Variants in MDFI observed in about 807,000 individuals in gnomAD.
MDFI encodes inhibitor of MyoD family a.
A neutral mutation model predicts 22.3 loss-of-function variants in MDFI; 16 were observed. The observed-to-expected ratio is 0.72, with a 90% CI of 0.49 to 1.09. The LOEUF is 1.09. MDFI is among the 50% of genes least tolerant of loss of function. The probability of loss-of-function intolerance (pLI) is 0.00; values close to 1 mark genes in which losing one functional copy is unlikely to be tolerated. For missense variants in MDFI, 314 were observed against 326.1 expected (o/e 0.96, Z 0.29); for synonymous variants, 145 against 142.7 (o/e 1.02, Z -0.12).
Position 41,653,122 on chromosome 6 carries a change from G to A in MDFI, c.485-197G>A, listed in dbSNP as rs1768339431. ...GATGATCCAGACTGCCCGCTCCGAT[G>A]TGCTTAACTGTCTGTGCCTCGGGGT... On this transcript the variant is annotated intron_variant, in intron 4 of 4. Transcript: ENST00000230321. This position sits in a 1 kb window ranked among gnomAD's most constrained non-coding sequence, Gnocchi z 4.2. 6.6e-6 allele frequency among the ~76,000 whole-genome samples: 1 copy of A among 152,234 alleles called. No individual in the cohort carries two copies. Among genetic ancestry groups the A allele is most frequent in the African/African-American group, 2.4e-5 (1 of 41,460 alleles).
At chr6:41,648,469 C>T (rs1378967775) in intron 3 of MDFI, among the ~76,000 whole-genome samples, 1 of 152,214 alleles carries the variant, frequency 6.6e-6, no homozygotes, top group African/African-American at 2.4e-5. Context: ...GACCCGGCCT[C>T]TTCAGCCAAG....
In MDFI at chr6:41,638,964, G is replaced by A. The variant is rs777672997; in HGVS notation, c.76+139G>A. On this transcript the variant is annotated intron_variant, in intron 2 of 4. Transcript: ENST00000230321. This position sits in a 1 kb window ranked among gnomAD's most constrained non-coding sequence, Gnocchi z 7.6. ...GGTGGGGGTAGGGACGAAAAGTCTG[G>A]GTTTGAGGACTTGGTCCAAGGAGAG... 38 of 1,029,444 alleles carry A rather than the reference G, an allele frequency of 3.7e-5. No individual in the cohort carries two copies. The highest frequency in any genetic ancestry group is 4.5e-5 in the Non-Finnish European group (33 of 727,728). 63.8% of individuals were successfully genotyped at this position (1,029,444 alleles called of 1,614,324 possible). A position where few individuals can be genotyped will look rare whatever the true frequency, so the allele number is the denominator to read the frequency against.
intron 2 of MDFI, among the ~76,000 whole-genome samples, chr6:41,642,309 C>T (rs9471614): frequency 0.091 from 13,890 of 152,232 alleles, 722 homozygotes; most frequent in South Asian, 0.15. Context: ...ACATGAATTG[C>T]ACATCCACAC....
In MDFI at chr6:41,653,011, C is replaced by A. The variant is rs972738291; in HGVS notation, c.485-308C>A. On this transcript the variant is annotated intron_variant, in intron 4 of 4. Transcript: ENST00000230321. The surrounding 1 kb of genome is among the most constrained non-coding windows in gnomAD (Gnocchi z 4.2). ...ATTGGAGGCCTAAATGAATGTAATT[C>A]ATGCACAGCACTCAGAACAGTGCCA... Among the ~76,000 whole-genome samples the A allele has an allele frequency of 6.6e-6, 1 of 152,200 alleles. No individual in the cohort carries two copies. Among genetic ancestry groups the A allele is most frequent in the South Asian group, 2.1e-4 (1 of 4,834 alleles).
chr6:41,639,110 A>G (rs1767750692), intron 2 of MDFI: 1 of 547,918 alleles, frequency 1.8e-6, no homozygotes, highest in African/African-American at 2.1e-5. Flanking sequence ...ACACACACAC[A>G]TACACTCCGC....
intron 2 of MDFI, among the ~76,000 whole-genome samples, chr6:41,644,227 G>A (rs977273979): frequency 1.3e-5 from 2 of 152,104 alleles, no homozygotes; most frequent in East Asian, 1.9e-4. Flanking sequence ...CAGCTAAGAG[G>A]GGAGCTCTCA....
chr6:41,648,510 T>A (rs1768141336), intron 3 of MDFI, among the ~76,000 whole-genome samples: 1 of 152,270 alleles, frequency 6.6e-6, no homozygotes, highest in African/African-American at 2.4e-5. Flanking sequence ...CCCCTCTCCT[T>A]GGGCTCCAGG....
intron 2 of MDFI, among the ~76,000 whole-genome samples, chr6:41,641,036 A>T (rs77602899): frequency 2.3e-4 from 35 of 152,334 alleles, no homozygotes; most frequent in Non-Finnish European, 3.8e-4. Context: ...GAGTGTGACC[A>T]TTGGATTCGC....
chr6:41,639,182 G>A (rs1767753824), intron 2 of MDFI: 3 of 948,632 alleles, frequency 3.2e-6, no homozygotes, highest in Non-Finnish European at 3.8e-6. Context: ...AATATTTGTG[G>A]GGGCCTGGTG....
At position 41,638,911 on chromosome 6, in the gene MDFI, G is replaced by T; in HGVS notation, c.76+86G>T. 7.3e-7 allele frequency: 1 copy of T among 1,366,800 alleles called. No homozygotes were observed. The highest frequency in any genetic ancestry group is 2.6e-5 in the East Asian group (1 of 38,372). 84.7% of individuals were successfully genotyped at this position (1,366,800 alleles called of 1,614,324 possible). ...TTATTAGTTCTCCTCTCCGTCCCCA[G>T]ACGCGGGGAGACCGTTCCAGGGAGC... On this transcript the variant is annotated intron_variant, in intron 2 of 4. Coordinates refer to ENST00000230321, the MANE Select transcript of MDFI (RefSeq NM_005586.4). The surrounding 1 kb of genome is among the most constrained non-coding windows in gnomAD (Gnocchi z 7.6).
At position 41,653,183 on chromosome 6, in the gene MDFI, G is replaced by C; in HGVS notation, c.485-136G>C. ...AAAATGGAGCTGTGGGGACGGATTCGTGAGCTTCAGGCACACAGTGAACAC... is the reference window on the plus strand; with the variant it reads ...AAAATGGAGCTGTGGGGACGGATTCCTGAGCTTCAGGCACACAGTGAACAC... On this transcript the variant is annotated intron_variant, in intron 4 of 4. Transcript: ENST00000230321. The surrounding 1 kb of genome is among the most constrained non-coding windows in gnomAD (Gnocchi z 4.2). The C allele has an allele frequency of 2.3e-6, 2 of 881,276 alleles. No individual in the cohort carries two copies. 54.6% of individuals were successfully genotyped at this position (881,276 alleles called of 1,614,324 possible). A position where few individuals can be genotyped will look rare whatever the true frequency, so the allele number is the denominator to read the frequency against.
chr6:41,639,270 C>T, intron 2 of MDFI: 6 of 985,402 alleles, frequency 6.1e-6, no homozygotes, highest in Non-Finnish European at 7.2e-6. Context: ...TTCCCGAAAA[C>T]TTTTGTCTGC....
rs908358906 is a variant in MDFI, at chr6:41,645,542, G to A, written c.77-584G>A. ...CCCAGTTTCTCCCGTCTCCCTCCGC[G>A]CTCTGTATCACACAGTGCTACCTTC... On this transcript the variant is annotated intron_variant, in intron 2 of 4. Transcript: ENST00000230321. 5.9e-5 allele frequency among the ~76,000 whole-genome samples: 9 copies of A among 151,912 alleles called. No homozygotes were observed. The South Asian group carries it at 6.3e-4, about 11-fold the overall frequency.
intron 4 of MDFI, among the ~76,000 whole-genome samples, chr6:41,650,368 C>G (rs972700595): frequency 6.6e-6 from 1 of 152,204 alleles, no homozygotes; most frequent in Middle Eastern, 3.2e-3. Context: ...CAGGGGCAGC[C>G]AGTCCCCTCC....
At chr6:41,651,144 A>G (rs1258843526) in intron 4 of MDFI, among the ~76,000 whole-genome samples, 1 of 130,190 alleles carries the variant, frequency 7.7e-6, no homozygotes, top group Non-Finnish European at 1.7e-5. Context: ...CCGAGATTGC[A>G]CTCCAGCCTG....
chr6:41,646,256 C>T lies in MDFI; in HGVS notation c.207C>T (p.Ile69=), dbSNP rs139421635. The change falls in exon 3 of 5, where the codon ATC becomes ATT. Residue 69 remains isoleucine (I), a synonymous_variant. Transcript: ENST00000230321. ...TPMPQGNGPG[I]PQGLDSTDLD... ...TGCCCCAAGGCAATGGCCCTGGCATCCCCCAGGGCCTGGACAGCACTGACC... is the reference window on the plus strand; with the variant it reads ...TGCCCCAAGGCAATGGCCCTGGCATTCCCCAGGGCCTGGACAGCACTGACC... 1.3e-3 allele frequency: 1,994 copies of T among 1,569,306 alleles called. 1 individual carries two copies. Among genetic ancestry groups the T allele is most frequent in the Non-Finnish European group, 1.6e-3 (1,856 of 1,159,390 alleles).
In MDFI at chr6:41,649,945, T is replaced by TA. The variant is rs1285877060; in HGVS notation, c.484+103dup. 3.0e-6 allele frequency: 3 copies of TA among 996,576 alleles called. No individual in the cohort carries two copies. In the African/African-American group the frequency reaches 4.9e-5, roughly 16 times the overall value. 61.7% of individuals were successfully genotyped at this position (996,576 alleles called of 1,614,324 possible). A position where few individuals can be genotyped will look rare whatever the true frequency, so the allele number is the denominator to read the frequency against. On this transcript the variant is annotated intron_variant, in intron 4 of 4. Coordinates refer to ENST00000230321, the MANE Select transcript of MDFI (RefSeq NM_005586.4). The stretch of plus-strand genomic sequence containing the variant: ...GGAGCACCTTCACCAGGCTGTTACT[T>TA]AGAGATGCAGGATCTCAGCCTCCTT...
rs1027612914 is a variant in MDFI, at chr6:41,654,200, G to A, written c.*625G>A. On this transcript the variant is annotated 3_prime_UTR_variant, in exon 5 of 5. Transcript: ENST00000230321. Reference sequence around the variant, plus strand: ...GGGAAAGGAAGGGAAGGGAGGGAGGGTCTGTTCTATCTGTTGCTGTAAATA... The same window carrying A: ...GGGAAAGGAAGGGAAGGGAGGGAGGATCTGTTCTATCTGTTGCTGTAAATA... 7 of 161,148 alleles carry A rather than the reference G, an allele frequency of 4.3e-5. No individual in the cohort carries two copies. The highest frequency in any genetic ancestry group is 9.7e-5 in the Non-Finnish European group (7 of 72,462). 10.0% of individuals were successfully genotyped at this position (161,148 alleles called of 1,614,324 possible). A position where few individuals can be genotyped will look rare whatever the true frequency, so the allele number is the denominator to read the frequency against.
At chr6:41,647,902 G>C (rs1768111384) in intron 3 of MDFI, among the ~76,000 whole-genome samples, 1 of 151,918 alleles carries the variant, frequency 6.6e-6, no homozygotes, top group South Asian at 2.1e-4. Context: ...AATTAGCCGG[G>C]CGTGGTGGCG....
Sources: gnomAD v4.1 joint callset for allele counts (sites outside exome capture counted in the v4.1 genomes callset) on GRCh38, gnomAD v4.1.1 for gene constraint, Gnocchi (gnomAD v3.1) non-coding constraint, MANE v1.5 for transcripts, NCBI Gene and HGNC (gene_info 2026-07-23, HGNC 2026-07-21) for gene names.